CDH13: variants seen among roughly 807,000 people sequenced by gnomAD.
The protein encoded by CDH13 is cadherin 13.
Under a neutral mutation model 63.8 loss-of-function variants are expected in CDH13, and 24 were observed. The ratio of observed to expected loss-of-function variants is 0.38; its 90% CI spans 0.27 to 0.53. The LOEUF (loss-of-function observed/expected upper bound fraction) is 0.53. CDH13 is among the 20% of genes least tolerant of loss of function. CDH13 has a pLI of 0.85. For synonymous variants in CDH13, 503 were observed against 355.3 expected (o/e 1.42, Z -4.67); for missense variants, 1,049 against 903.1 (o/e 1.16, Z -2.07).
rs753615301 is a variant in CDH13, at chr16:83,779,933, C to A, written c.1682-35C>A. On this transcript the variant is annotated intron_variant, in intron 11 of 13. Coordinates refer to ENST00000567109, the MANE Select transcript of CDH13 (RefSeq NM_001257.5). ...TATGGTAAATTGCTCTCGCATATAC[C>A]AGTTGCATACCAACATCTTCCCTTT... The A allele has an allele frequency of 2.1e-6, 3 of 1,421,296 alleles. No individual in the cohort carries two copies. In the Admixed American group the frequency reaches 5.2e-5, roughly 25 times the overall value. 88.0% of individuals were successfully genotyped at this position (1,421,296 alleles called of 1,614,324 possible). A position where few individuals can be genotyped will look rare whatever the true frequency, so the allele number is the denominator to read the frequency against.
rs189782785 is a variant in CDH13, at chr16:83,443,293, G to C, written c.782-43184G>C. ...GCCACGCCTCTGAGAAAGAGGCTGG[G>C]AGGCCCTTCCGCAACAGGTGTTCAG... On this transcript the variant is annotated intron_variant, in intron 6 of 13. Transcript: ENST00000567109. Among the ~76,000 whole-genome samples, 532 of 152,254 alleles carry C rather than the reference G, an allele frequency of 3.5e-3. 3 individuals carry two copies. Among genetic ancestry groups the C allele is most frequent in the African/African-American group, 0.012 (519 of 41,552 alleles).
intron 8 of CDH13, among the ~76,000 whole-genome samples, chr16:83,646,269 G>A (rs577263438): frequency 3.3e-5 from 5 of 152,148 alleles, no homozygotes; most frequent in Admixed American, 3.3e-4. Context: ...AGCTCATGAC[G>A]GTAACCTACC....
In CDH13 at chr16:83,142,219, G is replaced by A. The variant is rs181045741; in HGVS notation, c.483+16718G>A. Among the ~76,000 whole-genome samples the A allele has an allele frequency of 8.5e-4, 123 of 144,082 alleles. 2 individuals are homozygous for A. In the East Asian group the frequency reaches 0.023, roughly 27 times the overall value. The allele number at this position is 144,082 out of a possible 152,430, so 94.5% of individuals were successfully genotyped here. ...TCCTATCACCCAGCTAAAGTGCAGT[G>A]GTGTAATCTCAGCTCACCACAGCCT... On this transcript the variant is annotated intron_variant, in intron 4 of 13. Transcript: ENST00000567109.
intron 7 of CDH13, among the ~76,000 whole-genome samples, chr16:83,536,947 T>C (rs1481927457): frequency 6.6e-6 from 1 of 152,218 alleles, no homozygotes; most frequent in Non-Finnish European, 1.5e-5. Context: ...AGGTAACTCA[T>C]GCCACAGGTG....
In CDH13 at chr16:83,164,652, G is replaced by T. The variant is rs185150910; in HGVS notation, c.483+39151G>T. Among the ~76,000 whole-genome samples the T allele has an allele frequency of 8.2e-4, 124 of 150,994 alleles. 1 individual carries two copies. In the East Asian group the frequency reaches 0.021, roughly 25 times the overall value. Reference sequence around the variant, plus strand: ...AGAGAATCGCTTGAACTTGGGAGGCGGAGGTTGCAGTGAGCCGAGATTGTG... The same window carrying T: ...AGAGAATCGCTTGAACTTGGGAGGCTGAGGTTGCAGTGAGCCGAGATTGTG... On this transcript the variant is annotated intron_variant, in intron 4 of 13. Coordinates refer to ENST00000567109, the MANE Select transcript of CDH13 (RefSeq NM_001257.5).
At chr16:83,361,077 C>G (rs114025657) in intron 6 of CDH13, among the ~76,000 whole-genome samples, 1,661 of 152,310 alleles carry the variant, frequency 0.011, 31 homozygotes, top group African/African-American at 0.036. Context: ...TTTCCCTTTT[C>G]TCCACAGCCT....
chr16:82,879,671 CATAA>C (rs1368892880), intron 2 of CDH13, among the ~76,000 whole-genome samples: 1 of 136,936 alleles, frequency 7.3e-6, no homozygotes, highest in Admixed American at 7.5e-5. Context: ...ATATATTTTA[CATAA>C]ATTATAATAT....
chr16:82,691,559 G>A (rs184251435), intron 1 of CDH13, among the ~76,000 whole-genome samples: 1 of 152,166 alleles, frequency 6.6e-6, no homozygotes, highest in East Asian at 1.9e-4. Flanking sequence ...TTACTACTTG[G>A]GGAGATTGTC....
At chr16:83,148,245 T>C (rs2036834273) in intron 4 of CDH13, among the ~76,000 whole-genome samples, 1 of 152,144 alleles carries the variant, frequency 6.6e-6, no homozygotes, top group Non-Finnish European at 1.5e-5. Flanking sequence ...GTTTGAGGCA[T>C]TGCTGTTTAA....
chr16:83,434,448 C>G (rs1445892529), intron 6 of CDH13, among the ~76,000 whole-genome samples: 1 of 152,094 alleles, frequency 6.6e-6, no homozygotes, highest in Admixed American at 6.6e-5. Context: ...CTGGCGTGGT[C>G]CAGCCCTGCC....
At position 82,683,018 on chromosome 16, in the gene CDH13, T is replaced by C. The variant is rs545923374; in HGVS notation, c.45+55881T>C. 6.7e-4 allele frequency among the ~76,000 whole-genome samples: 102 copies of C among 152,304 alleles called. 1 individual carries two copies. Among genetic ancestry groups the C allele is most frequent in the African/African-American group, 2.2e-3 (92 of 41,560 alleles). On this transcript the variant is annotated intron_variant, in intron 1 of 13. Coordinates refer to ENST00000567109, the MANE Select transcript of CDH13 (RefSeq NM_001257.5). ...GGGTTCAAGTTCCAGCCCCCACTTATCAGCTTTCTGAACTTAGCCAAGTTA... is the reference window on the plus strand; with the variant it reads ...GGGTTCAAGTTCCAGCCCCCACTTACCAGCTTTCTGAACTTAGCCAAGTTA...
intron 10 of CDH13, chr16:83,721,312 G>C (rs1340790247): frequency 6.6e-6 from 1 of 152,240 alleles, no homozygotes; most frequent in Non-Finnish European, 1.5e-5. Context: ...CCCATACCCA[G>C]AGCCCTGAAG....
chr16:83,468,388 T>C (rs1278356595), intron 6 of CDH13, among the ~76,000 whole-genome samples: 2 of 152,122 alleles, frequency 1.3e-5, no homozygotes, highest in Non-Finnish European at 2.9e-5. Context: ...GGAAGAGACC[T>C]CCCCTAGAGT....
rs35608695 is a variant in CDH13 at position 83,464,978 on chromosome 16, C to T, written c.782-21499C>T. Among the ~76,000 whole-genome samples the T allele has an allele frequency of 5.5e-4, 83 of 152,152 alleles. 2 individuals carry two copies. The highest frequency in any genetic ancestry group is 1.0e-3 in the Non-Finnish European group (70 of 68,030). On this transcript the variant is annotated intron_variant, in intron 6 of 13. Coordinates refer to ENST00000567109, the MANE Select transcript of CDH13 (RefSeq NM_001257.5). ...CAAGGGCCATTGCAGGATATCAAGT[C>T]TGGGAATGACACAGTTTCTCATTTC...
chr16:83,381,149 A>T (rs555697719), intron 6 of CDH13, among the ~76,000 whole-genome samples: 1 of 152,308 alleles, frequency 6.6e-6, no homozygotes, highest in Non-Finnish European at 1.5e-5. Flanking sequence ...AGATGGTAAC[A>T]ACTACCTATT....
chr16:82,957,883 T>C (rs989549978), intron 2 of CDH13, among the ~76,000 whole-genome samples: 1 of 152,218 alleles, frequency 6.6e-6, no homozygotes, highest in African/African-American at 2.4e-5. Context: ...TTTGGAGACA[T>C]GATAGCTGGA....
At chr16:82,858,036 G>T (rs1879001795) in intron 1 of CDH13, among the ~76,000 whole-genome samples, 1 of 152,156 alleles carries the variant, frequency 6.6e-6, no homozygotes. Context: ...TTTTAGCTTA[G>T]GCATCATGGA....
At chr16:83,419,836 G>T (rs1344245249) in intron 6 of CDH13, among the ~76,000 whole-genome samples, 1 of 151,746 alleles carries the variant, frequency 6.6e-6, no homozygotes, top group South Asian at 2.1e-4. Context: ...TGAACATCTT[G>T]CTTCCAAACA....
At chr16:83,061,346 T>C (rs181787568) in intron 3 of CDH13, among the ~76,000 whole-genome samples, 40 of 145,152 alleles carry the variant, frequency 2.8e-4, no homozygotes, top group Middle Eastern at 7.1e-3. Context: ...GATGAGTGGA[T>C]TTTTTGTGTC....
Sources: gnomAD v4.1 joint callset for allele counts (sites outside exome capture counted in the v4.1 genomes callset) on GRCh38, gnomAD v4.1.1 for gene constraint, MANE v1.5 for transcripts, NCBI Gene and HGNC (gene_info 2026-07-23, HGNC 2026-07-21) for gene names.